DCDC1: variants seen among roughly 807,000 people sequenced by gnomAD.
DCDC1 encodes the protein doublecortin domain containing 1.
DCDC1 carries 200 observed loss-of-function variants against 178.3 expected under a neutral mutation model. The observed-to-expected ratio is 1.12, with a 90% confidence interval of 1.00 to 1.26. The LOEUF (loss-of-function observed/expected upper bound fraction) is 1.26, where lower values mean the gene tolerates loss of function less well. Among genes scored for constraint, DCDC1 ranks in the 50% most tolerant of loss-of-function variants. The probability of loss-of-function intolerance (pLI) is 0.00; values close to 1 mark genes in which losing one functional copy is unlikely to be tolerated. For synonymous variants in DCDC1, 690 were observed against 604.8 expected (o/e 1.14, Z -2.07); for missense variants, 1,983 against 1,749.2 (o/e 1.13, Z -2.38).
intron 14 of DCDC1, among the ~76,000 whole-genome samples, 162 bp downstream of exon 14, chr11:31,103,482 C>T (rs1432886550): frequency 1.3e-5 from 2 of 152,142 alleles, no homozygotes; most frequent in Non-Finnish European, 2.9e-5. Context: ...TAGGCACTAC[C>T]TCATTATACC....
At chr11:31,028,757 G>A (rs545127095) in intron 20 of DCDC1, among the ~76,000 whole-genome samples, 128 of 152,072 alleles carry the variant, frequency 8.4e-4, no homozygotes, top group African/African-American at 3.1e-3. Context: ...TTTCTACTAA[G>A]AGGAATTTTT....
At position 31,327,855 on chromosome 11, in the gene DCDC1, G is replaced by A. The variant is rs147210991; in HGVS notation, c.164+262C>T. On this transcript the variant is annotated intron_variant, in intron 3 of 38. Transcript: ENST00000684477. ...CGATTCTCCTGCCTTAGCCTTCCGA[G>A]TAGCTGAGATTACAGGTTCCCATGA... Among the ~76,000 whole-genome samples the A allele has an allele frequency of 2.2e-4, 34 of 152,082 alleles. No individual in the cohort carries two copies. In the East Asian group the frequency reaches 2.9e-3, roughly 13 times the overall value.
intron 7 of DCDC1, among the ~76,000 whole-genome samples, chr11:31,267,357 A>AT (rs1945238838): frequency 6.6e-6 from 1 of 151,728 alleles, no homozygotes. Flanking sequence ...CGCCCGGCTA[A>AT]TTTTTTGTAT....
intron 17 of DCDC1, among the ~76,000 whole-genome samples, chr11:31,087,084 A>AT (rs912986149): frequency 6.6e-6 from 1 of 152,002 alleles, no homozygotes; most frequent in Non-Finnish European, 1.5e-5. Flanking sequence ...CAGGTTTCCC[A>AT]TTTTTTCTTG....
intron 9 of DCDC1, among the ~76,000 whole-genome samples, chr11:31,181,649 C>T (rs1968813489): frequency 6.6e-6 from 1 of 152,136 alleles, no homozygotes. Flanking sequence ...GGAAAACTAA[C>T]AAAAAGAAAG....
intron 9 of DCDC1, among the ~76,000 whole-genome samples, chr11:31,213,295 A>C (rs149076514): frequency 5.9e-5 from 9 of 151,560 alleles, no homozygotes; most frequent in East Asian, 3.9e-4. Context: ...GATCTTTTCA[A>C]ATTTAGCCTT....
intron 7 of DCDC1, among the ~76,000 whole-genome samples, chr11:31,269,234 G>A (rs1260728486): frequency 6.6e-6 from 1 of 152,098 alleles, no homozygotes; most frequent in Non-Finnish European, 1.5e-5. Context: ...GCTTCTACTT[G>A]TAAGGTCATT....
intron 8 of DCDC1, among the ~76,000 whole-genome samples, chr11:31,261,314 G>A (rs955522162): frequency 2.8e-4 from 42 of 152,166 alleles, no homozygotes; most frequent in African/African-American, 9.6e-4. Flanking sequence ...GGTTTTAAAG[G>A]TTAATAGATT....
intron 10 of DCDC1, among the ~76,000 whole-genome samples, chr11:31,131,771 T>G (rs910333373): frequency 6.6e-6 from 1 of 152,192 alleles, no homozygotes; most frequent in Non-Finnish European, 1.5e-5. Flanking sequence ...TATCATGCAT[T>G]GTATTTCACT....
At chr11:31,149,530 C>G in intron 9 of DCDC1, among the ~76,000 whole-genome samples, 1 of 152,134 alleles carries the variant, frequency 6.6e-6, no homozygotes, top group Non-Finnish European at 1.5e-5. Context: ...CAGCAACCTG[C>G]TCGGGTTGGC....
chr11:31,196,959 A>C (rs1043686526), intron 9 of DCDC1, among the ~76,000 whole-genome samples: 1 of 152,168 alleles, frequency 6.6e-6, no homozygotes, highest in Non-Finnish European at 1.5e-5. Context: ...TAAGGATTTT[A>C]GAAACTCCTG....
At chr11:31,045,545 G>T (rs1260296059) in intron 20 of DCDC1, among the ~76,000 whole-genome samples, 1 of 152,026 alleles carries the variant, frequency 6.6e-6, no homozygotes, top group East Asian at 1.9e-4. Flanking sequence ...CCAGGAATTC[G>T]TTTTGTAGCT....
intron 11 of DCDC1, among the ~76,000 whole-genome samples, chr11:31,120,063 T>G (rs1192109466): frequency 6.6e-6 from 1 of 152,176 alleles, no homozygotes; most frequent in East Asian, 1.9e-4. Context: ...ACTATTCATT[T>G]AAAATCTTCT....
At chr11:31,064,265 T>G (rs1956126477) in intron 20 of DCDC1, among the ~76,000 whole-genome samples, 1 of 152,152 alleles carries the variant, frequency 6.6e-6, no homozygotes, top group South Asian at 2.1e-4. Context: ...AGTATAATAA[T>G]AAACAATAAC....
At chr11:31,020,095 T>C (rs1159872273) in intron 20 of DCDC1, among the ~76,000 whole-genome samples, 1 of 152,252 alleles carries the variant, frequency 6.6e-6, no homozygotes. Context: ...TGGACCAGGT[T>C]GCTGTTGTCT....
chr11:31,180,770 G>A (rs1412031879), intron 9 of DCDC1, among the ~76,000 whole-genome samples: 1 of 152,072 alleles, frequency 6.6e-6, no homozygotes, highest in Non-Finnish European at 1.5e-5. Context: ...ACAAAACTGG[G>A]CAGCTGTTTA....
intron 20 of DCDC1, among the ~76,000 whole-genome samples, chr11:30,977,601 T>C (rs913580462): frequency 4.6e-5 from 7 of 152,322 alleles, no homozygotes; most frequent in South Asian, 2.1e-4. Context: ...CCTCTTTCAA[T>C]ATGTAGGATT....
intron 20 of DCDC1, among the ~76,000 whole-genome samples, chr11:30,984,668 C>T (rs927084663): frequency 1.3e-5 from 2 of 152,162 alleles, no homozygotes; most frequent in Admixed American, 6.5e-5. Flanking sequence ...AAACTCTACC[C>T]GTGACTTTAA....
In DCDC1 at chr11:31,046,068, C is replaced by A. The variant is rs536655065; in HGVS notation, c.2591+18401G>T. Among the ~76,000 whole-genome samples, 4 of 152,240 alleles carry A rather than the reference C, an allele frequency of 2.6e-5. No individual in the cohort carries two copies. The East Asian group carries it at 5.8e-4, about 22-fold the overall frequency. On this transcript the variant is annotated intron_variant, in intron 20 of 38. Transcript: ENST00000684477. ...ATTCCATCACATATGTAACACATCA[C>A]AATCAAGACACTAGACTGTTCAATC...
Sources: gnomAD v4.1 joint callset for allele counts (sites outside exome capture counted in the v4.1 genomes callset) on GRCh38, gnomAD v4.1.1 for gene constraint, MANE v1.5 for transcripts, NCBI Gene and HGNC (gene_info 2026-07-23, HGNC 2026-07-21) for gene names.